Variants in WDR36 observed in about 807,000 individuals in gnomAD.
The protein encoded by WDR36 is WD repeat-containing protein 36.
WDR36 carries 63 observed loss-of-function variants against 112.7 expected under a neutral mutation model. The observed-to-expected ratio is 0.56, with a 90% CI of 0.46 to 0.69. The LOEUF (loss-of-function observed/expected upper bound fraction) is 0.69. Among genes scored for constraint, WDR36 ranks in the 30% least tolerant of loss-of-function variants. WDR36 has a pLI of 0.00. For synonymous variants in WDR36, 410 were observed against 362.2 expected (o/e 1.13, Z -1.50); for missense variants, 1,226 against 1,070.3 (o/e 1.15, Z -2.03).
intron 15 of WDR36, 22 bp from the exon 16 acceptor site, chr5:111,113,034 TAATATATATATATATATA>T: frequency 3.4e-6 from 1 of 293,258 alleles, no homozygotes; most frequent in Non-Finnish European, 4.8e-6. Flanking sequence ...TATATATAAA[TAATATATATATATATATA>T]TTTTTTTTTT....
At position 111,106,149 on chromosome 5, in the gene WDR36, T is replaced by A. The variant is rs756224952; in HGVS notation, c.1180+6T>A. 5 of 1,607,304 alleles carry A rather than the reference T, an allele frequency of 3.1e-6. No homozygotes were observed. The highest frequency in any genetic ancestry group is 4.3e-6 in the Non-Finnish European group (5 of 1,174,664). ...CATCACAAAGTTTGCAGCAGGTAAG[T>A]AACTTCAAACTGTGTTTTGAGAAGT... is the stretch of plus-strand genomic sequence containing the variant. On this transcript the variant is annotated splice_donor_region_variant and intron_variant, in intron 11 of 22. Transcript: ENST00000513710.
At chr5:111,099,463 GTTT>G (rs67437234) in intron 4 of WDR36, among the ~76,000 whole-genome samples, 40,163 of 87,920 alleles carry the variant, frequency 0.46, 5,867 homozygotes, top group Middle Eastern at 0.6. Flanking sequence ...TTTTTTTTTT[GTTT>G]TTTTTTTTTT....
intron 3 of WDR36, among the ~76,000 whole-genome samples, chr5:111,097,693 C>A (rs13357747): frequency 0.14 from 21,030 of 152,246 alleles, 1,516 homozygotes; most frequent in South Asian, 0.28. Flanking sequence ...TGGTCTAAAT[C>A]TACCAGTTGG....
rs7705304 is a variant in WDR36 at position 111,098,563 on chromosome 5, T to G, written c.292-159T>G. On this transcript the variant is annotated intron_variant, in intron 3 of 22. Transcript: ENST00000513710. ...GGAGCAGATGAACATGCCTGGTCCC[T>G]TAATATTTATGTGTTCATCCTAACC... Among the ~76,000 whole-genome samples the G allele has an allele frequency of 0.23, 35,020 of 152,138 alleles. 5,434 individuals carry two copies. The highest frequency in any genetic ancestry group is 0.44 in the African/African-American group (18,361 of 41,454).
rs1753665959 is a variant in WDR36 at position 111,125,659 on chromosome 5, CAG to C, written c.2405_2406del (p.Glu802AlafsTer7). 1.2e-6 allele frequency: 2 copies of C among 1,613,836 alleles called. No individual in the cohort carries two copies. Among genetic ancestry groups the C allele is most frequent in the Non-Finnish European group, 1.7e-6 (2 of 1,179,846 alleles). ...GAATCAGGCCCATCAGGAATTGAAA[CAG>C]AGCTGCGAAGCTTGTCTCCTGATTG... is the stretch of plus-strand genomic sequence containing the variant. On this transcript the variant is annotated frameshift_variant, in exon 22 of 23. Coordinates refer to ENST00000513710, the MANE Select transcript of WDR36 (RefSeq NM_139281.3). LOFTEE classifies it high-confidence loss of function.
rs1280221874 is a variant in WDR36, at chr5:111,092,427, G to A, written c.-30G>A. ...GGGTACGTGTTTTCCTTCAGGACCAGAGCTGAGAGGAGCTGGGATCGCGGC... is the reference window on the plus strand; with the variant it reads ...GGGTACGTGTTTTCCTTCAGGACCAAAGCTGAGAGGAGCTGGGATCGCGGC... On this transcript the variant is annotated 5_prime_UTR_variant, in exon 1 of 23. Transcript: ENST00000513710. The A allele has an allele frequency of 1.9e-6, 3 of 1,614,234 alleles. No homozygotes were observed. The highest frequency in any genetic ancestry group is 3.3e-5 in the Admixed American group (2 of 60,022).
chr5:111,116,680 T>C (rs77014767), intron 16 of WDR36, among the ~76,000 whole-genome samples: 3,509 of 152,286 alleles, frequency 0.023, 133 homozygotes, highest in African/African-American at 0.081. Context: ...TGTGCATTTA[T>C]GTTTCATGAA....
At chr5:111,125,908 T>C in intron 22 of WDR36, 113 bp downstream of exon 22, 1 of 1,062,194 alleles carries the variant, frequency 9.4e-7, no homozygotes, top group Non-Finnish European at 1.4e-6. Context: ...TCCAGTATCA[T>C]AGCCACTTGC....
rs900285365 is a variant in WDR36 at position 111,123,750 on chromosome 5, G to A, written c.2149-55G>A. The A allele has an allele frequency of 4.0e-5, 64 of 1,597,890 alleles. 1 individual carries two copies. The Admixed American group carries it at 1.1e-3, about 27-fold the overall frequency. On this transcript the variant is annotated intron_variant, in intron 19 of 22. Transcript: ENST00000513710. The stretch of plus-strand genomic sequence containing the variant: ...TTAAAATTGATTTGAAATTAAATAT[G>A]AGAAACTGTTGGCAAGATAATTCCT...
In WDR36 at chr5:111,106,139, A is replaced by G; in HGVS notation, c.1176A>G (p.Ala392=). 2.5e-6 allele frequency: 4 copies of G among 1,609,484 alleles called. No individual in the cohort carries two copies. The highest frequency in any genetic ancestry group is 3.4e-6 in the Non-Finnish European group (4 of 1,176,642). The change falls in exon 11 of 23, where the codon GCA becomes GCG. Residue 392 remains alanine (A), a synonymous_variant. Transcript: ENST00000513710. ...SVRLPPITKF[A]AEEARESDWD... Reference sequence around the variant, plus strand: ...GACTTCCACCCATCACAAAGTTTGCAGCAGGTAAGTAACTTCAAACTGTGT... The same window carrying G: ...GACTTCCACCCATCACAAAGTTTGCGGCAGGTAAGTAACTTCAAACTGTGT...
rs1365360810 is a variant in WDR36, at chr5:111,128,577, G to GAT, written c.*1696_*1697dup. On this transcript the variant is annotated 3_prime_UTR_variant, in exon 23 of 23. Coordinates refer to ENST00000513710, the MANE Select transcript of WDR36 (RefSeq NM_139281.3). ...AGATTGTAAATAACTAAAACAAAAT[G>GAT]ATAAGAGCTGTGAACTGAAATTGTA... 5.6e-6 allele frequency: 1 copy of GAT among 179,014 alleles called. No individual in the cohort carries two copies. Among genetic ancestry groups the GAT allele is most frequent in the African/African-American group, 2.4e-5 (1 of 42,402 alleles). 11.1% of individuals were successfully genotyped at this position (179,014 alleles called of 1,614,324 possible). A position where few individuals can be genotyped will look rare whatever the true frequency, so the allele number is the denominator to read the frequency against.
chr5:111,119,930 C>T, intron 17 of WDR36, among the ~76,000 whole-genome samples: 1 of 152,042 alleles, frequency 6.6e-6, no homozygotes, highest in Non-Finnish European at 1.5e-5. Flanking sequence ...TAACTTGAAA[C>T]CTGAGATTCT....
chr5:111,126,896 G>C lies in WDR36; in HGVS notation c.*13G>C. On this transcript the variant is annotated 3_prime_UTR_variant, in exon 23 of 23. Transcript: ENST00000513710. Reference sequence around the variant, plus strand: ...TGCTTTGTTGTAAAAATAAATTTGTGACTAAACAAAGACTTTCATATTAAA... The same window carrying C: ...TGCTTTGTTGTAAAAATAAATTTGTCACTAAACAAAGACTTTCATATTAAA... The C allele has an allele frequency of 1.3e-6, 2 of 1,582,778 alleles. No individual in the cohort carries two copies. The highest frequency in any genetic ancestry group is 2.7e-5 in the African/African-American group (2 of 73,908).
At chr5:111,111,959 G>A (rs565578336) in intron 15 of WDR36, among the ~76,000 whole-genome samples, 1 of 151,884 alleles carries the variant, frequency 6.6e-6, no homozygotes, top group African/African-American at 2.4e-5. Context: ...AATACTTAGT[G>A]ACGAACCCAA....
rs142018294 is a variant in WDR36, at chr5:111,093,159, A to G, written c.162+541A>G. 2.8e-3 allele frequency among the ~76,000 whole-genome samples: 428 copies of G among 152,356 alleles called. 1 individual carries two copies. The highest frequency in any genetic ancestry group is 9.9e-3 in the African/African-American group (410 of 41,580). On this transcript the variant is annotated intron_variant, in intron 1 of 22. Transcript: ENST00000513710. ...AGCCTTGCAGCCGTTTCTTTGCAAC[A>G]TAGGTGTCATTATACCGTAGCACCT...
chr5:111,120,361 T>C, intron 17 of WDR36, 135 bp from the exon 18 acceptor site: 1 of 717,152 alleles, frequency 1.4e-6, no homozygotes. Context: ...AAGGCGTTTT[T>C]AAATTGATAA....
Position 111,092,420 on chromosome 5 carries a change from A to G in WDR36, c.-37A>G, listed in dbSNP as rs201913253. 79 of 1,614,108 alleles carry G rather than the reference A, an allele frequency of 4.9e-5. 1 individual carries two copies. In the South Asian group the frequency reaches 8.6e-4, roughly 17 times the overall value. ...AGGGACTGGGTACGTGTTTTCCTTC[A>G]GGACCAGAGCTGAGAGGAGCTGGGA... On this transcript the variant is annotated 5_prime_UTR_variant, in exon 1 of 23. Transcript: ENST00000513710.
intron 6 of WDR36, among the ~76,000 whole-genome samples, chr5:111,102,719 A>G (rs1753145124): frequency 6.6e-6 from 1 of 151,626 alleles, no homozygotes; most frequent in Non-Finnish European, 1.5e-5. Context: ...GTGTTCAGCA[A>G]TGCAAGCGGT....
intron 12 of WDR36, among the ~76,000 whole-genome samples, chr5:111,108,396 T>C (rs1753261302): frequency 6.6e-6 from 1 of 151,476 alleles, no homozygotes; most frequent in African/African-American, 2.4e-5. Context: ...GCCTCTGCTT[T>C]TGAAAATGCT....
Sources: allele counts gnomAD v4.1 joint callset (sites outside exome capture counted in the v4.1 genomes callset), GRCh38; gene constraint gnomAD v4.1.1; transcripts MANE v1.5; gene names NCBI Gene and HGNC (gene_info 2026-07-23, HGNC 2026-07-21).